The following CSMD3 variants were observed in gnomAD, a reference collection of about 807,000 sequenced individuals.
CSMD3 encodes the protein CUB and sushi domain-containing protein 3.
Under a neutral mutation model 435.2 loss-of-function variants are expected in CSMD3, and 177 were observed. The ratio of observed to expected loss-of-function variants is 0.41; its 90% CI spans 0.36 to 0.46. The LOEUF is 0.46. Among genes scored for constraint, CSMD3 ranks in the 20% least tolerant of loss-of-function variants. CSMD3 has a pLI of 0.34. For missense variants in CSMD3, 4,265 were observed against 4,504.6 expected (o/e 0.95, Z 1.52); for synonymous variants, 1,656 against 1,520.5 (o/e 1.09, Z -2.07).
intron 45 of CSMD3, 31 bp downstream of exon 45, chr8:112,335,298 A>G: frequency 6.2e-7 from 1 of 1,605,610 alleles, no homozygotes; most frequent in Non-Finnish European, 8.5e-7. Context: ...AACAGTAGCA[A>G]ATGAAATAGG....
At chr8:112,612,179 T>C (rs550899286) in intron 22 of CSMD3, among the ~76,000 whole-genome samples, 2 of 152,278 alleles carry the variant, frequency 1.3e-5, no homozygotes, top group East Asian at 3.9e-4. Flanking sequence ...TTGATTTTCC[T>C]GAGAAAAAAA....
At chr8:113,228,483 T>C (rs1472685353) in intron 3 of CSMD3, among the ~76,000 whole-genome samples, 2 of 151,512 alleles carry the variant, frequency 1.3e-5, no homozygotes, top group Non-Finnish European at 3.0e-5. Context: ...ATTTGGGTAT[T>C]GTACATTCCC....
chr8:112,265,905 A>G (rs1417087420), intron 59 of CSMD3, among the ~76,000 whole-genome samples: 1 of 152,146 alleles, frequency 6.6e-6, no homozygotes, highest in Non-Finnish European at 1.5e-5. Flanking sequence ...GACCACAGAG[A>G]AAACAATCTG....
chr8:113,096,173 A>G (rs780739751), intron 5 of CSMD3, among the ~76,000 whole-genome samples: 2 of 152,110 alleles, frequency 1.3e-5, no homozygotes, highest in African/African-American at 2.4e-5. Context: ...TGTCCCCTTG[A>G]AATCTTCAAC....
rs770051225 is a variant in CSMD3, at chr8:112,314,510, C to T, written c.7468G>A (p.Val2490Met). ...ATGGTGATATTATAACCCTTTTCCA[C>T]TGAAATGCTCCATGCACACATTTGA... is the stretch of plus-strand genomic sequence containing the variant. ...NLQMCAWSIS[V>M]EKGYNITMFV... The change falls in exon 48 of 71, where the codon GTG becomes ATG. Residue 2490 changes from valine (V) to methionine (M), a missense_variant. Val to Met is a conservative substitution (Grantham distance 21). Around this residue, in one of 3 missense-constraint regions of CSMD3, gnomAD observed 3,255 missense variants for 3,380.2 expected, o/e 0.96. Coordinates refer to ENST00000297405, the MANE Select transcript of CSMD3 (RefSeq NM_198123.2). 1 of 1,612,306 alleles carries T rather than the reference C, an allele frequency of 6.2e-7. No homozygotes were observed. Among genetic ancestry groups the T allele is most frequent in the East Asian group, 2.2e-5 (1 of 44,800 alleles).
intron 6 of CSMD3, among the ~76,000 whole-genome samples, chr8:112,979,843 C>G (rs1175088237): frequency 6.6e-6 from 1 of 150,896 alleles, no homozygotes; most frequent in Non-Finnish European, 1.5e-5. Flanking sequence ...AAAAATAAGA[C>G]GTTCACAATA....
intron 4 of CSMD3, among the ~76,000 whole-genome samples, chr8:113,137,547 G>A (rs1440319907): frequency 6.6e-6 from 1 of 151,576 alleles, no homozygotes; most frequent in Non-Finnish European, 1.5e-5. Flanking sequence ...CAGAAATCCA[G>A]TATCTGGGCA....
chr8:112,513,061 T>C (rs192204655), intron 28 of CSMD3, among the ~76,000 whole-genome samples: 1 of 152,190 alleles, frequency 6.6e-6, no homozygotes, highest in Non-Finnish European at 1.5e-5. Flanking sequence ...CTTATGGGAA[T>C]GTTGTGGCTG....
At chr8:113,210,151 TAATC>T (rs2092817362) in intron 3 of CSMD3, among the ~76,000 whole-genome samples, 1 of 151,986 alleles carries the variant, frequency 6.6e-6, no homozygotes, top group Non-Finnish European at 1.5e-5. Context: ...TTTTCACCAA[TAATC>T]AACATTTCAA....
intron 4 of CSMD3, among the ~76,000 whole-genome samples, chr8:113,112,389 AT>A (rs2090671333): frequency 0.014 from 2 of 146 alleles, no homozygotes; most frequent in Non-Finnish European, 0.02. Context: ...AATAAAACAT[AT>A]ATATATATAT....
intron 4 of CSMD3, among the ~76,000 whole-genome samples, chr8:113,164,293 T>C (rs2092105836): frequency 6.6e-6 from 1 of 151,882 alleles, no homozygotes; most frequent in Non-Finnish European, 1.5e-5. Flanking sequence ...TTTTTAGAGT[T>C]AGCTATAAAT....
intron 6 of CSMD3, among the ~76,000 whole-genome samples, chr8:113,006,470 T>C (rs935752176): frequency 9.9e-5 from 15 of 151,938 alleles, no homozygotes; most frequent in African/African-American, 3.4e-4. Flanking sequence ...CCTAGTAGGG[T>C]GGGCTTTAAT....
chr8:113,412,920 T>A (rs1376794656), intron 1 of CSMD3, among the ~76,000 whole-genome samples: 1 of 152,082 alleles, frequency 6.6e-6, no homozygotes, highest in African/African-American at 2.4e-5. Flanking sequence ...CACATAATCA[T>A]GCACACGGAC....
intron 1 of CSMD3, among the ~76,000 whole-genome samples, chr8:113,365,748 T>C (rs2094307175): frequency 6.6e-6 from 1 of 152,058 alleles, no homozygotes; most frequent in Non-Finnish European, 1.5e-5. Context: ...CCACTGTGTC[T>C]GTATAGGTGA....
At chr8:112,877,731 T>C (rs141907758) in intron 10 of CSMD3, among the ~76,000 whole-genome samples, 1,577 of 152,124 alleles carry the variant, frequency 0.01, 37 homozygotes, top group African/African-American at 0.036. Flanking sequence ...TATTGACCAA[T>C]GGAACAGAAC....
intron 4 of CSMD3, among the ~76,000 whole-genome samples, chr8:113,156,758 A>AC (rs1022196713): frequency 2.0e-5 from 3 of 149,912 alleles, no homozygotes; most frequent in African/African-American, 4.9e-5. Flanking sequence ...ATAAATAAAT[A>AC]AATAAATAAA....
intron 5 of CSMD3, among the ~76,000 whole-genome samples, chr8:113,053,093 C>T (rs1044993407): frequency 2.0e-5 from 3 of 152,068 alleles, no homozygotes; most frequent in African/African-American, 7.2e-5. Flanking sequence ...TTCCCCTTCT[C>T]CCTCACTACC....
intron 3 of CSMD3, among the ~76,000 whole-genome samples, chr8:113,272,546 T>C (rs2093537153): frequency 6.6e-6 from 1 of 151,814 alleles, no homozygotes; most frequent in Non-Finnish European, 1.5e-5. Flanking sequence ...CAATTTCATT[T>C]TTCTCTTGCC....
At chr8:113,236,325 G>A (rs900919684) in intron 3 of CSMD3, among the ~76,000 whole-genome samples, 2 of 152,082 alleles carry the variant, frequency 1.3e-5, no homozygotes, top group African/African-American at 4.8e-5. Flanking sequence ...GCCCACTCTT[G>A]CCTCTCAGAG....
Sources: allele counts gnomAD v4.1 joint callset (sites outside exome capture counted in the v4.1 genomes callset), GRCh38; gene constraint gnomAD v4.1.1; regional missense constraint gnomAD v4.1.1; transcripts MANE v1.5; gene names NCBI Gene and HGNC (gene_info 2026-07-23, HGNC 2026-07-21).